Variants in PUDP observed in about 807,000 individuals in gnomAD.
PUDP encodes pseudouridine 5'-phosphatase.
In PUDP, 8 loss-of-function variants were observed where a neutral mutation model predicts 9.4. The observed-to-expected ratio is 0.85, with a 90% CI of 0.50 to 1.53. The LOEUF is 1.53. PUDP is among the 40% of genes most tolerant of loss of function. The probability of loss-of-function intolerance (pLI) is 0.00; values close to 1 mark genes in which losing one functional copy is unlikely to be tolerated. For missense variants in PUDP, 188 were observed against 189.7 expected (o/e 0.99, Z 0.05); for synonymous variants, 99 against 80.7 (o/e 1.23, Z -1.22).
intron 3 of PUDP, among the ~76,000 whole-genome samples, chrX:6,908,844 T>C (rs1032658877): frequency 8.9e-6 from 1 of 112,131 alleles, no homozygotes; most frequent in South Asian, 3.7e-4. Context: ...TCTCATCAGA[T>C]TATCTAGGGA....
intron 3 of PUDP, among the ~76,000 whole-genome samples, chrX:6,915,115 C>T (rs1280442929): frequency 8.9e-6 from 1 of 112,063 alleles, no homozygotes; most frequent in African/African-American, 3.2e-5. Context: ...GCCTTTGTAT[C>T]TCTGCATTGC....
At chrX:6,781,413 G>A (rs766468226) in intron 3 of PUDP, among the ~76,000 whole-genome samples, 11 of 111,471 alleles carry the variant, frequency 9.9e-5, no homozygotes, top group Non-Finnish European at 1.9e-4. Context: ...GACTTCTTGG[G>A]ATAAAGTTAC....
At chrX:6,961,674 C>G (rs904085576) in intron 3 of PUDP, among the ~76,000 whole-genome samples, 5 of 111,602 alleles carry the variant, frequency 4.5e-5, no homozygotes, top group Non-Finnish European at 1.9e-5. Flanking sequence ...CTGTGATTAC[C>G]ATTTATATTT....
chrX:7,048,898 T>G (rs1224273450), downstream of PUDP: 1 of 112,361 alleles, frequency 8.9e-6, no homozygotes, highest in Non-Finnish European at 1.9e-5. Context: ...TAAGGTAAAA[T>G]CATGACTCTC....
At chrX:6,781,900 T>C (rs923448905) in intron 3 of PUDP, among the ~76,000 whole-genome samples, 7 of 112,417 alleles carry the variant, frequency 6.2e-5, no homozygotes, top group African/African-American at 2.3e-4. Flanking sequence ...GTTCTTTTGG[T>C]GGTTATGTAC....
Position 6,728,594 on chromosome X carries a change from G to C in PUDP, c.*248-22128C>G, listed in dbSNP as rs1275842707. ...GCACAAAGGGATTATGTGACTTGCCGAAAGTCACGTAGGCAGTGAGATACA... is the reference window on the plus strand; with the variant it reads ...GCACAAAGGGATTATGTGACTTGCCCAAAGTCACGTAGGCAGTGAGATACA... On this transcript the variant is annotated intron_variant and NMD_transcript_variant, in intron 3 of 3. Transcript: ENST00000655425. 8.1e-5 allele frequency among the ~76,000 whole-genome samples: 9 copies of C among 111,759 alleles called. No homozygotes were observed. In the East Asian group the frequency reaches 2.3e-3, roughly 28 times the overall value.
chrX:7,100,599 G>A (rs1052484514), intron 2 of PUDP, among the ~76,000 whole-genome samples: 7 of 111,774 alleles, frequency 6.3e-5, no homozygotes, highest in African/African-American at 2.3e-4. Context: ...TGAACACCTA[G>A]AAGAAAGACT....
intron 1 of PUDP, among the ~76,000 whole-genome samples, chrX:7,147,354 G>A (rs1482773940): frequency 9.0e-6 from 1 of 111,477 alleles, no homozygotes; most frequent in African/African-American, 3.3e-5. Flanking sequence ...TGTTGACGGC[G>A]CGGGATAATT....
intron 3 of PUDP, among the ~76,000 whole-genome samples, chrX:6,922,103 G>C (rs112125277): frequency 0.018 from 2,035 of 110,775 alleles, 25 homozygotes; most frequent in Non-Finnish European, 0.027. Flanking sequence ...ACCAGAAGCT[G>C]GGAAGAGTAG....
chrX:6,799,987 T>C (rs1370893180), intron 3 of PUDP, among the ~76,000 whole-genome samples: 1 of 112,325 alleles, frequency 8.9e-6, no homozygotes, highest in Non-Finnish European at 1.9e-5. Flanking sequence ...ATGAAATTAG[T>C]ATCTATTTTA....
At chrX:7,093,162 T>G (rs1931471741) in intron 2 of PUDP, among the ~76,000 whole-genome samples, 1 of 110,615 alleles carries the variant, frequency 9.0e-6, no homozygotes, top group South Asian at 3.8e-4. Flanking sequence ...AAAACCTCCA[T>G]CCCCCTCCCC....
Position 6,961,867 on chromosome X carries a change from A to T in PUDP, c.*247+15266T>A, listed in dbSNP as rs962892522. Among the ~76,000 whole-genome samples the T allele has an allele frequency of 2.7e-5, 3 of 112,133 alleles. No homozygotes were observed. The Admixed American group carries it at 2.9e-4, about 11-fold the overall frequency. On this transcript the variant is annotated intron_variant and NMD_transcript_variant, in intron 3 of 3. Coordinates refer to the PUDP transcript ENST00000655425. ...GTGATAGCAACACAGCACATGCAAG[A>T]AGTCTTCTTTATGCTAAGAAAGAAT...
intron 1 of PUDP, among the ~76,000 whole-genome samples, chrX:7,012,763 A>G (rs1177698674): frequency 9.0e-6 from 1 of 111,058 alleles, no homozygotes; most frequent in Non-Finnish European, 1.9e-5. Context: ...CTCTCTGCAA[A>G]TGGGTTGCTC....
At chrX:6,735,881 A>G (rs1179431114) in intron 3 of PUDP, among the ~76,000 whole-genome samples, 5 of 110,219 alleles carry the variant, frequency 4.5e-5, no homozygotes, top group Non-Finnish European at 9.5e-5. Flanking sequence ...TAAAAATTAA[A>G]AAAAAAAATT....
intron 3 of PUDP, among the ~76,000 whole-genome samples, chrX:6,915,287 C>T (rs1469030349): frequency 8.9e-6 from 1 of 111,951 alleles, no homozygotes; most frequent in Non-Finnish European, 1.9e-5. Context: ...TGCTATTTTG[C>T]CTCCAGTTTT....
chrX:6,793,787 A>C (rs1925792655), intron 3 of PUDP, among the ~76,000 whole-genome samples: 1 of 111,457 alleles, frequency 9.0e-6, no homozygotes, highest in African/African-American at 3.2e-5. Flanking sequence ...TGAGGAATAG[A>C]AAACAAGTTG....
chrX:7,099,442 T>G (rs1462349239), intron 2 of PUDP, among the ~76,000 whole-genome samples: 5 of 112,774 alleles, frequency 4.4e-5, no homozygotes, highest in Non-Finnish European at 7.5e-5. Flanking sequence ...TTTCCTAAAA[T>G]AATTTAAGCC....
At chrX:7,050,585 T>C (rs778137581) in intron 3 of PUDP, 113 bp from the exon 4 acceptor site, 45 of 675,206 alleles carry the variant, frequency 6.7e-5, no homozygotes, top group Non-Finnish European at 9.2e-5. Context: ...AGAGACAGAA[T>C]TACAGTGGGG....
In PUDP at chrX:7,057,022, G is replaced by A. The variant is rs141686472; in HGVS notation, c.511-6550C>T. 1.0e-3 allele frequency among the ~76,000 whole-genome samples: 112 copies of A among 112,031 alleles called. 1 individual carries two copies. The East Asian group carries it at 0.019, about 19-fold the overall frequency. ...ATTTAGGGAGCATGACATTTCCAAC[G>A]ACAAGGGAGGTGAAGCACCTTGGCG... On this transcript the variant is annotated intron_variant, in intron 3 of 3. Coordinates refer to ENST00000381077, the MANE Select transcript of PUDP (RefSeq NM_012080.5).
Sources: gnomAD v4.1 joint callset for allele counts (sites outside exome capture counted in the v4.1 genomes callset) on GRCh38, gnomAD v4.1.1 for gene constraint, MANE v1.5 for transcripts, NCBI Gene and HGNC (gene_info 2026-07-23, HGNC 2026-07-21) for gene names.